Variants in PPFIBP1 observed in about 807,000 individuals in gnomAD.
PPFIBP1 encodes liprin-beta-1.
In PPFIBP1, 112 loss-of-function variants were observed where a neutral mutation model predicts 137.8. The ratio of observed to expected loss-of-function variants is 0.81; its 90% CI spans 0.70 to 0.95. PPFIBP1 has a LOEUF of 0.95. Among genes scored for constraint, PPFIBP1 ranks in the 40% least tolerant of loss-of-function variants. The probability of loss-of-function intolerance (pLI) is 0.00; values close to 1 mark genes in which losing one functional copy is unlikely to be tolerated. For missense variants in PPFIBP1, 1,083 were observed against 1,196.6 expected (o/e 0.91, Z 1.40); for synonymous variants, 378 against 417.3 (o/e 0.91, Z 1.15).
intron 2 of PPFIBP1, among the ~76,000 whole-genome samples, chr12:27,606,248 C>A (rs2054509926): frequency 6.6e-6 from 1 of 152,282 alleles, no homozygotes; most frequent in Middle Eastern, 3.4e-3. Flanking sequence ...CTCTTGACTT[C>A]CTTCTGTTTC....
intron 2 of PPFIBP1, among the ~76,000 whole-genome samples, chr12:27,583,359 G>T (rs2051339722): frequency 6.6e-6 from 1 of 152,204 alleles, no homozygotes; most frequent in East Asian, 1.9e-4. Context: ...AAGTCCGGAA[G>T]TTGTTTTCCT....
chr12:27,528,108 C>T (rs910153349), intron 1 of PPFIBP1, among the ~76,000 whole-genome samples: 1 of 152,100 alleles, frequency 6.6e-6, no homozygotes, highest in African/African-American at 2.4e-5. Context: ...ACCACAACGC[C>T]TGGCTAATTT....
rs187778114 is a variant in PPFIBP1, at chr12:27,632,936, G to A, written c.-35-426G>A. 9.2e-5 allele frequency among the ~76,000 whole-genome samples: 14 copies of A among 152,194 alleles called. No homozygotes were observed. The East Asian group carries it at 2.5e-3, about 27-fold the overall frequency. On this transcript the variant is annotated intron_variant, in intron 2 of 29. Transcript: ENST00000228425. ...TTTCTTAGACAAATCTTAAGCCCTT[G>A]TACAGAAAGAAAAAACAAAAACAAA...
Position 27,691,842 on chromosome 12 carries a change from G to C in PPFIBP1, c.2779G>C (p.Ala927Pro), listed in dbSNP as rs200511262. The C allele has an allele frequency of 6.2e-7, 1 of 1,613,810 alleles. No individual in the cohort carries two copies. Among genetic ancestry groups the C allele is most frequent in the African/African-American group, 1.3e-5 (1 of 74,936 alleles). The change falls in exon 28 of 30, where the codon GCA (alanine) becomes CCA (proline). Residue 927 changes from alanine to proline, a missense_variant. Ala to Pro is a conservative substitution (Grantham distance 27). Coordinates refer to ENST00000228425, the MANE Select transcript of PPFIBP1 (RefSeq NM_003622.4). ...EYVCPMELGQ[A>P]SGSASKKGFK... ...TGTTTGTCCAATGGAATTGGGACAG[G>C]CATCAGGAAGTGCATCTAAGAAAGG... is the stretch of plus-strand genomic sequence containing the variant.
At chr12:27,661,784 ACT>A (rs1332310117) in intron 11 of PPFIBP1, among the ~76,000 whole-genome samples, 3 of 150,854 alleles carry the variant, frequency 2.0e-5, no homozygotes, top group Admixed American at 2.0e-4. Flanking sequence ...CTCATTCTTG[ACT>A]CTTCTGTTTT....
rs537172980 is a variant in PPFIBP1 at position 27,660,258 on chromosome 12, T to C, written c.845-626T>C. Among the ~76,000 whole-genome samples the C allele has an allele frequency of 9.3e-3, 1,412 of 152,316 alleles. 8 individuals are homozygous for C. Among genetic ancestry groups the C allele is most frequent in the Non-Finnish European group, 0.016 (1,062 of 68,028 alleles). On this transcript the variant is annotated intron_variant, in intron 10 of 29. Transcript: ENST00000228425. ...TATTCAAGTAACATGCTTTTGTATT[T>C]GAATATCAAATTTTAAGGAGAATCA...
At chr12:27,590,450 A>G (rs1431189186) in intron 2 of PPFIBP1, among the ~76,000 whole-genome samples, 1 of 152,180 alleles carries the variant, frequency 6.6e-6, no homozygotes, top group Non-Finnish European at 1.5e-5. Context: ...TGCTGAGATT[A>G]CAGGCGTGAG....
chr12:27,627,409 G>A (rs1417254674), intron 2 of PPFIBP1, among the ~76,000 whole-genome samples: 2 of 152,202 alleles, frequency 1.3e-5, no homozygotes, highest in African/African-American at 2.4e-5. Context: ...ATAGTCGAAT[G>A]TATGTGAACA....
chr12:27,676,832 A>G (rs2060543697), intron 18 of PPFIBP1: 1 of 720,912 alleles, frequency 1.4e-6, no homozygotes, highest in Non-Finnish European at 2.4e-6. Flanking sequence ...GGAAAGACCT[A>G]AAATCATGAT....
chr12:27,589,701 G>A (rs530947333), intron 2 of PPFIBP1, among the ~76,000 whole-genome samples: 125 of 152,338 alleles, frequency 8.2e-4, no homozygotes, highest in African/African-American at 2.9e-3. Context: ...CTTATTCAGT[G>A]TAGACAGTCT....
At chr12:27,663,040 A>G (rs1038056891) in intron 11 of PPFIBP1, among the ~76,000 whole-genome samples, 11 of 152,138 alleles carry the variant, frequency 7.2e-5, no homozygotes, top group Admixed American at 2.0e-4. Context: ...TGCATAATTT[A>G]GGATAGTGTC....
intron 2 of PPFIBP1, among the ~76,000 whole-genome samples, chr12:27,624,674 T>C (rs550288714): frequency 6.6e-6 from 1 of 152,344 alleles, no homozygotes; most frequent in East Asian, 1.9e-4. Context: ...ACTAATGTAT[T>C]GTCATTAATA....
Position 27,644,244 on chromosome 12 carries a change from G to GTTTTTTTTTTTTTTTTTTTTTTT in PPFIBP1, c.271-1815_271-1793dup, listed in dbSNP as rs3842650. ...GGCGCACACCACCAAGCTTGGCTAA[G>GTTTTTTTTTTTTTTTTTTTTTTT]TTTTTTTTTTTTTTTTTTTTTTTTT... On this transcript the variant is annotated intron_variant, in intron 4 of 29. Transcript: ENST00000228425. Among the ~76,000 whole-genome samples, 29 of 117,760 alleles carry GTTTTTTTTTTTTTTTTTTTTTTT rather than the reference G, an allele frequency of 2.5e-4. 2 individuals are homozygous for GTTTTTTTTTTTTTTTTTTTTTTT. The highest frequency in any genetic ancestry group is 5.5e-4 in the East Asian group (2 of 3,606). The allele number at this position is 117,760 out of a possible 152,430, so 77.3% of individuals were successfully genotyped here.
intron 13 of PPFIBP1, among the ~76,000 whole-genome samples, chr12:27,668,615 T>C (rs1243515283): frequency 1.3e-5 from 2 of 152,254 alleles, no homozygotes; most frequent in Non-Finnish European, 2.9e-5. Context: ...CCTTTGAGTC[T>C]AATTTAGTGT....
At chr12:27,620,453 C>T (rs2056233153) in intron 2 of PPFIBP1, among the ~76,000 whole-genome samples, 1 of 152,230 alleles carries the variant, frequency 6.6e-6, no homozygotes. Context: ...AAGCTCTTCT[C>T]AGATATTTCT....
At chr12:27,545,883 A>T (rs1456655785) in intron 1 of PPFIBP1, among the ~76,000 whole-genome samples, 2 of 152,182 alleles carry the variant, frequency 1.3e-5, no homozygotes, top group African/African-American at 2.4e-5. Flanking sequence ...GAGGTGAACC[A>T]GATTAGTCAG....
chr12:27,539,684 T>G (rs1486934956), intron 1 of PPFIBP1, among the ~76,000 whole-genome samples: 2 of 152,130 alleles, frequency 1.3e-5, no homozygotes, highest in African/African-American at 4.8e-5. Flanking sequence ...TATTGTGGAT[T>G]TATATTTGAA....
In PPFIBP1 at chr12:27,695,545, G is replaced by A. The variant is rs1177050012; in HGVS notation, c.*2663G>A. 1.3e-5 allele frequency: 2 copies of A among 152,208 alleles called. No individual in the cohort carries two copies. The highest frequency in any genetic ancestry group is 4.8e-5 in the African/African-American group (2 of 41,450). The allele number at this position is 152,208 out of a possible 1,614,324, so 9.4% of individuals were successfully genotyped here. The stretch of plus-strand genomic sequence containing the variant: ...GTGTTACCATATGAAAGGAAATAAA[G>A]TCAATTGATAATTGCCTCATTTTTA... On this transcript the variant is annotated 3_prime_UTR_variant, in exon 30 of 30. Coordinates refer to ENST00000228425, the MANE Select transcript of PPFIBP1 (RefSeq NM_003622.4).
At chr12:27,637,476 A>G (rs1437108488) in intron 4 of PPFIBP1, among the ~76,000 whole-genome samples, 2 of 152,202 alleles carry the variant, frequency 1.3e-5, no homozygotes, top group Non-Finnish European at 2.9e-5. Context: ...TTTTTATCCT[A>G]AAAGTAACAA....
Sources: gnomAD v4.1 joint callset for allele counts (sites outside exome capture counted in the v4.1 genomes callset) on GRCh38, gnomAD v4.1.1 for gene constraint, MANE v1.5 for transcripts, NCBI Gene and HGNC (gene_info 2026-07-23, HGNC 2026-07-21) for gene names.